The following C9 variants were observed in gnomAD, a reference collection of about 807,000 sequenced individuals.
The protein encoded by C9 is complement C9, also known as complement component C9.
C9 carries 63 observed loss-of-function variants against 65.4 expected under a neutral mutation model. That is an observed-to-expected ratio of 0.96 (90% CI 0.79 to 1.19). The LOEUF is 1.19. Ranked by LOEUF, C9 falls within the 50% of genes most tolerant of loss-of-function variation. The pLI, the probability that C9 is intolerant of heterozygous loss-of-function variation, is 0.00. For synonymous variants in C9, 229 were observed against 227.9 expected (o/e 1.00, Z -0.04); for missense variants, 744 against 670.1 (o/e 1.11, Z -1.22).
At chr5:39,323,820 T>A (rs115508783) in intron 5 of C9, among the ~76,000 whole-genome samples, 1 of 151,910 alleles carries the variant, frequency 6.6e-6, no homozygotes, top group African/African-American at 2.4e-5. Context: ...AGAGCAATTA[T>A]GCAAAAGAAA....
chr5:39,344,472 C>A (rs1412752468), intron 1 of C9, among the ~76,000 whole-genome samples: 5 of 151,958 alleles, frequency 3.3e-5, no homozygotes, highest in Non-Finnish European at 5.9e-5. Context: ...AGTTTAGAGA[C>A]AAAAGGATAA....
In C9 at chr5:39,306,640, C is replaced by T. The variant is rs1300092496; in HGVS notation, c.1393G>A (p.Ala465Thr). The change falls in exon 9 of 11, where the codon GCT (alanine) becomes ACT (threonine). Residue 465 changes from alanine (A) to threonine (T), a missense_variant. By Grantham distance (58) the Ala-to-Thr change is moderately conservative. Coordinates refer to ENST00000263408, the MANE Select transcript of C9 (RefSeq NM_001737.5). ...FVNWASSIND[A>T]PVLISQKLSP... Reference sequence around the variant, plus strand: ...ACTTTTTGACTAATGAGAACAGGAGCATCATTTATGGAAGAGGCCCAGTTG... The same window carrying T: ...ACTTTTTGACTAATGAGAACAGGAGTATCATTTATGGAAGAGGCCCAGTTG... 6.2e-7 allele frequency: 1 copy of T among 1,613,462 alleles called. No homozygotes were observed.
At position 39,299,545 on chromosome 5, in the gene C9, G is replaced by A. The variant is rs576908057; in HGVS notation, c.1416+7072C>T. Among the ~76,000 whole-genome samples, 29 of 152,200 alleles carry A rather than the reference G, an allele frequency of 1.9e-4. 1 individual carries two copies. In the South Asian group the frequency reaches 5.4e-3, roughly 28 times the overall value. Reference sequence around the variant, plus strand: ...AACTACTCATACATACAAGAATGTCGATGTGTGAATGTGGATGGATCTCAA... The same window carrying A: ...AACTACTCATACATACAAGAATGTCAATGTGTGAATGTGGATGGATCTCAA... On this transcript the variant is annotated intron_variant, in intron 9 of 10. Transcript: ENST00000263408.
chr5:39,334,943 A>G (rs927169780), intron 4 of C9, among the ~76,000 whole-genome samples: 6 of 151,742 alleles, frequency 4.0e-5, no homozygotes, highest in South Asian at 2.1e-4. Context: ...AGAAGTAGAC[A>G]TGGGAGACTT....
chr5:39,354,855 A>G (rs927885131), intron 1 of C9, among the ~76,000 whole-genome samples: 5 of 152,230 alleles, frequency 3.3e-5, no homozygotes, highest in Admixed American at 2.6e-4. Flanking sequence ...ACTTAATTAA[A>G]TGAAATATGA....
At chr5:39,301,992 GT>G (rs1753292235) in intron 9 of C9, among the ~76,000 whole-genome samples, 1 of 151,938 alleles carries the variant, frequency 6.6e-6, no homozygotes, top group South Asian at 2.1e-4. Flanking sequence ...AATTCATCTT[GT>G]TATACCCTTC....
intron 2 of C9, 73 bp from the exon 3 acceptor site, chr5:39,341,773 A>G: frequency 7.4e-7 from 1 of 1,345,542 alleles, no homozygotes; most frequent in Non-Finnish European, 1.1e-6. Flanking sequence ...GTGCATCCAT[A>G]CAACTATATC....
intron 10 of C9, among the ~76,000 whole-genome samples, chr5:39,287,186 A>G (rs1753003915): frequency 6.6e-6 from 1 of 151,954 alleles, no homozygotes; most frequent in Non-Finnish European, 1.5e-5. Context: ...GAAGTAAAAT[A>G]GTTTAATTGA....
chr5:39,336,067 ATTTGTAC>A (rs1753958194), intron 4 of C9, among the ~76,000 whole-genome samples: 1 of 152,190 alleles, frequency 6.6e-6, no homozygotes, highest in African/African-American at 2.4e-5. Context: ...TGTTGTCATT[ATTTGTAC>A]TTTAACATAT....
At chr5:39,350,076 A>G (rs1321464283) in intron 1 of C9, among the ~76,000 whole-genome samples, 2 of 152,162 alleles carry the variant, frequency 1.3e-5, no homozygotes, top group Non-Finnish European at 2.9e-5. Flanking sequence ...CACAGGCTGT[A>G]TGGGAGGCAT....
chr5:39,350,809 A>C (rs1754308653), intron 1 of C9, among the ~76,000 whole-genome samples: 1 of 152,162 alleles, frequency 6.6e-6, no homozygotes, highest in African/African-American at 2.4e-5. Flanking sequence ...TTTTCCAGGT[A>C]CACAGGGCAA....
intron 9 of C9, among the ~76,000 whole-genome samples, chr5:39,306,344 C>T (rs1753377335): frequency 6.6e-6 from 1 of 152,040 alleles, no homozygotes; most frequent in Non-Finnish European, 1.5e-5. Context: ...TCGTTAAATT[C>T]TCAGAACAAA....
chr5:39,340,633 C>A (rs368560490), intron 4 of C9, among the ~76,000 whole-genome samples: 3 of 152,286 alleles, frequency 2.0e-5, no homozygotes, highest in African/African-American at 7.2e-5. Flanking sequence ...AGAACCAGAA[C>A]CTCAACATAA....
intron 5 of C9, among the ~76,000 whole-genome samples, chr5:39,322,704 C>G (rs1194590422): frequency 1.3e-5 from 2 of 152,116 alleles, no homozygotes; most frequent in Non-Finnish European, 1.5e-5. Flanking sequence ...ATTCAACCAT[C>G]ATTGGATCAC....
chr5:39,288,508 A>G (rs767457640), intron 10 of C9, among the ~76,000 whole-genome samples: 9 of 151,600 alleles, frequency 5.9e-5, no homozygotes, highest in Non-Finnish European at 1.3e-4. Context: ...TAATTTATTT[A>G]TTTATAATTC....
chr5:39,325,771 C>CAAAAAAAA (rs34079563), intron 5 of C9, among the ~76,000 whole-genome samples: 2 of 92,456 alleles, frequency 2.2e-5, no homozygotes, highest in South Asian at 3.9e-4. Flanking sequence ...GACTCCATCT[C>CAAAAAAAA]AAAAAAAAAA....
At chr5:39,304,826 T>C (rs1471717888) in intron 9 of C9, among the ~76,000 whole-genome samples, 5 of 152,328 alleles carry the variant, frequency 3.3e-5, no homozygotes, top group African/African-American at 1.2e-4. Flanking sequence ...AACTATATTG[T>C]GCATCCATAC....
rs1041610302 is a variant in C9, at chr5:39,341,198, A to AG, written c.423dup (p.Cys142LeufsTer10). The AG allele has an allele frequency of 7.4e-6, 12 of 1,614,032 alleles. No homozygotes were observed. Among genetic ancestry groups the AG allele is most frequent in the Non-Finnish European group, 9.3e-6 (11 of 1,180,008 alleles). On this transcript the variant is annotated frameshift_variant, in exon 4 of 11. Coordinates refer to ENST00000263408, the MANE Select transcript of C9 (RefSeq NM_001737.5). LOFTEE classifies it high-confidence loss of function. ...GACTCTTCTACCACTCTGTCTCTGC[A>AG]GGGGGGACGGGGCTCACTTTCACAA...
At chr5:39,340,977 C>T in intron 4 of C9, 169 bp downstream of exon 4, 2 of 753,424 alleles carry the variant, frequency 2.7e-6, no homozygotes, top group Admixed American at 2.1e-5. Flanking sequence ...TCCTGAGATG[C>T]TTATTTAGCA....
Sources: allele counts gnomAD v4.1 joint callset (sites outside exome capture counted in the v4.1 genomes callset), GRCh38; gene constraint gnomAD v4.1.1; transcripts MANE v1.5; gene names NCBI Gene and HGNC (gene_info 2026-07-23, HGNC 2026-07-21).